Variants in FGGY observed in about 807,000 individuals in gnomAD.
The protein encoded by FGGY is FGGY carbohydrate kinase domain-containing protein.
In FGGY, 72 loss-of-function variants were observed where a neutral mutation model predicts 71.3. That is an observed-to-expected ratio of 1.01 (90% CI 0.84 to 1.23). FGGY has a LOEUF of 1.23. Ranked by LOEUF, FGGY falls within the 50% of genes most tolerant of loss-of-function variation. The pLI is 0.00. For synonymous variants in FGGY, 251 were observed against 250.3 expected (o/e 1.00, Z -0.02); for missense variants, 668 against 682.3 (o/e 0.98, Z 0.23).
At chr1:59,374,376 A>G (rs2058273976) in intron 4 of FGGY, among the ~76,000 whole-genome samples, 1 of 152,226 alleles carries the variant, frequency 6.6e-6, no homozygotes, top group African/African-American at 2.4e-5. Flanking sequence ...ACCAGTTAGA[A>G]TGGTGATCTT....
At chr1:59,750,719 A>C (rs1349993332) in intron 14 of FGGY, among the ~76,000 whole-genome samples, 2 of 152,222 alleles carry the variant, frequency 1.3e-5, no homozygotes, top group Admixed American at 1.3e-4. Context: ...AAAATAAATA[A>C]GAGAACAACT....
chr1:59,391,185 C>G (rs1455997724), intron 5 of FGGY, among the ~76,000 whole-genome samples: 4 of 152,128 alleles, frequency 2.6e-5, no homozygotes, highest in African/African-American at 9.7e-5. Flanking sequence ...TTTTGGCTAC[C>G]TGTGGAGAGA....
intron 7 of FGGY, among the ~76,000 whole-genome samples, chr1:59,549,716 G>A (rs1043393822): frequency 6.6e-6 from 1 of 152,168 alleles, no homozygotes; most frequent in African/African-American, 2.4e-5. Flanking sequence ...TTTCAAAACT[G>A]CCACAGCGTG....
intron 11 of FGGY, chr1:59,641,174 G>C (rs535273445): frequency 1.4e-6 from 1 of 740,104 alleles, no homozygotes; most frequent in Admixed American, 2.2e-5. Flanking sequence ...CATGGCATGT[G>C]AATGTCTACA....
intron 6 of FGGY, among the ~76,000 whole-genome samples, chr1:59,458,305 G>A (rs938225875): frequency 2.6e-5 from 4 of 152,248 alleles, no homozygotes; most frequent in Non-Finnish European, 2.9e-5. Context: ...TTGACATAAG[G>A]ATTTTCACTT....
chr1:59,649,800 G>C lies in FGGY; in HGVS notation c.1222-10419G>C, dbSNP rs529058571. On this transcript the variant is annotated intron_variant, in intron 11 of 15. Transcript: ENST00000303721. The stretch of plus-strand genomic sequence containing the variant: ...TTCCAACACTGTGTTGAATAGGAGT[G>C]GTGAGAGAGGGCATCCCTGTCTTGT... Among the ~76,000 whole-genome samples the C allele has an allele frequency of 2.5e-3, 355 of 142,544 alleles. 14 individuals carry two copies. The highest frequency in any genetic ancestry group is 1.0e-2 in the African/African-American group (339 of 33,982). The allele number at this position is 142,544 out of a possible 152,430, so 93.5% of individuals were successfully genotyped here.
chr1:59,616,801 T>C (rs1295430044), intron 9 of FGGY, among the ~76,000 whole-genome samples: 1 of 152,080 alleles, frequency 6.6e-6, no homozygotes, highest in Admixed American at 6.6e-5. Context: ...CAATCTCAGT[T>C]CCAAGAACTT....
chr1:59,633,212 G>C (rs778573133), intron 10 of FGGY, among the ~76,000 whole-genome samples: 2 of 151,934 alleles, frequency 1.3e-5, no homozygotes, highest in African/African-American at 4.8e-5. Context: ...GGGTTTCACC[G>C]TGTTAGCCAG....
chr1:59,391,712 A>G (rs545166245), intron 5 of FGGY, among the ~76,000 whole-genome samples: 2 of 152,180 alleles, frequency 1.3e-5, no homozygotes, highest in Non-Finnish European at 1.5e-5. Flanking sequence ...GTACGTCTAG[A>G]TGTGGATTTT....
intron 14 of FGGY, among the ~76,000 whole-genome samples, chr1:59,704,858 A>C (rs1425722972): frequency 2.6e-5 from 4 of 152,222 alleles, no homozygotes; most frequent in African/African-American, 9.6e-5. Context: ...AGCTGTGGCC[A>C]AAATGTCCTC....
intron 1 of FGGY, among the ~76,000 whole-genome samples, chr1:59,304,569 G>T (rs1191714815): frequency 6.6e-6 from 1 of 151,830 alleles, no homozygotes; most frequent in Non-Finnish European, 1.5e-5. Flanking sequence ...GGTTCCATAT[G>T]AATTTTAGGA....
At chr1:59,365,321 G>C (rs1296260850) in intron 4 of FGGY, among the ~76,000 whole-genome samples, 2 of 152,134 alleles carry the variant, frequency 1.3e-5, no homozygotes, top group Non-Finnish European at 2.9e-5. Context: ...GCGTGAGAAG[G>C]TCCCGGAGAG....
At chr1:59,641,236 TTTATC>T (rs772885646) in intron 11 of FGGY, 4 of 1,504,706 alleles carry the variant, frequency 2.7e-6, no homozygotes, top group Non-Finnish European at 3.6e-6. Flanking sequence ...CCTTTAGCAT[TTTATC>T]TTAATAATAA....
chr1:59,455,228 C>G (rs1168176452), intron 5 of FGGY, among the ~76,000 whole-genome samples: 1 of 152,088 alleles, frequency 6.6e-6, no homozygotes, highest in Non-Finnish European at 1.5e-5. Flanking sequence ...AAAGGTATGT[C>G]CAGATTGGAA....
chr1:59,539,056 G>C (rs545141454), intron 7 of FGGY, among the ~76,000 whole-genome samples: 1 of 152,038 alleles, frequency 6.6e-6, no homozygotes, highest in Non-Finnish European at 1.5e-5. Flanking sequence ...AAAATATTAA[G>C]TACCTAGGAA....
chr1:59,638,218 T>G lies in FGGY; in HGVS notation c.1074-10T>G, dbSNP rs750345121. ...CCCCCCTTTAAAAATAAAATTCACT[T>G]CTCTTCCAGATGCCAGAGTATATAT... On this transcript the variant is annotated splice_polypyrimidine_tract_variant and intron_variant, in intron 10 of 15. Transcript: ENST00000303721. 3 of 1,611,518 alleles carry G rather than the reference T, an allele frequency of 1.9e-6. No homozygotes were observed. The highest frequency in any genetic ancestry group is 2.5e-6 in the Non-Finnish European group (3 of 1,178,770).
chr1:59,440,929 A>G (rs17119460), intron 5 of FGGY, among the ~76,000 whole-genome samples: 2,074 of 152,032 alleles, frequency 0.014, 48 homozygotes, highest in African/African-American at 0.048. Context: ...CAGAGAACGG[A>G]CAAACAAGGG....
chr1:59,471,918 AT>A (rs1241403325), intron 6 of FGGY, among the ~76,000 whole-genome samples: 1 of 152,236 alleles, frequency 6.6e-6, no homozygotes, highest in African/African-American at 2.4e-5. Context: ...ATGAGGTGGC[AT>A]TTTATGTGTC....
Position 59,561,971 on chromosome 1 carries a change from CAGTA to C in FGGY, c.903+7747_903+7750del, listed in dbSNP as rs1187375181. 2.0e-5 allele frequency among the ~76,000 whole-genome samples: 3 copies of C among 150,446 alleles called. No individual in the cohort carries two copies. In the East Asian group the frequency reaches 5.8e-4, roughly 29 times the overall value. The stretch of plus-strand genomic sequence containing the variant: ...ATTAGGGAAATGCAAATTAAAACCA[CAGTA>C]AGATTCTCTACTACTCCTACTCATC... On this transcript the variant is annotated intron_variant, in intron 8 of 15. Coordinates refer to ENST00000303721, the MANE Select transcript of FGGY (RefSeq NM_018291.5).
Sources: allele counts gnomAD v4.1 joint callset (sites outside exome capture counted in the v4.1 genomes callset), GRCh38; gene constraint gnomAD v4.1.1; transcripts MANE v1.5; gene names NCBI Gene and HGNC (gene_info 2026-07-23, HGNC 2026-07-21).